C19orf44: variants seen among roughly 807,000 people sequenced by gnomAD.
C19orf44 encodes the protein chromosome 19 open reading frame 44.
Under a neutral mutation model 50.7 loss-of-function variants are expected in C19orf44, and 43 were observed. The observed-to-expected ratio is 0.85, with a 90% CI of 0.66 to 1.09. The LOEUF (loss-of-function observed/expected upper bound fraction) is 1.09, where lower values mean the gene tolerates loss of function less well. C19orf44 is among the 50% of genes least tolerant of loss of function. C19orf44 has a pLI of 0.00. For missense variants in C19orf44, 722 were observed against 836.2 expected, an observed-to-expected ratio of 0.86 and a Z score of 1.68; for synonymous variants, 298 against 334.7, an observed-to-expected ratio of 0.89 and a Z score of 1.20.
chr19:16,509,775 C>T lies in C19orf44; in HGVS notation c.1426C>T (p.Pro476Ser). Residue 476 changes from proline (P) to serine (S), a missense_variant, in exon 5 of 9, where the codon CCA becomes TCA. By Grantham distance (74) the Pro-to-Ser change is moderately conservative (BLOSUM62 -1). Transcript: ENST00000221671. Reference protein sequence around the residue: ...SAYSEDFENSPSLTASEPTAH... With the variant: ...SAYSEDFENSSSLTASEPTAH... ...TTATTCGGAGGATTTTGAAAACTCT[C>T]CAAGTCTGACAGCATCTGAGCCAAC... 1 of 1,614,260 alleles carries T rather than the reference C, an allele frequency of 6.2e-7. No individual in the cohort carries two copies. The highest frequency in any genetic ancestry group is 8.5e-7 in the Non-Finnish European group (1 of 1,180,042).
chr19:16,515,762 A>G (rs187508883), intron 7 of C19orf44, among the ~76,000 whole-genome samples: 174 of 151,162 alleles, frequency 1.2e-3, no homozygotes, highest in African/African-American at 4.0e-3. Context: ...ATGGCATTAT[A>G]CTATATGCAG....
chr19:16,505,300 G>A (rs966040535), intron 3 of C19orf44, among the ~76,000 whole-genome samples: 3 of 150,732 alleles, frequency 2.0e-5, no homozygotes, highest in African/African-American at 2.4e-5. Flanking sequence ...TGCAACTTCC[G>A]CCTCCGAGAT....
chr19:16,510,635 G>A (rs905130622), intron 5 of C19orf44, among the ~76,000 whole-genome samples: 5 of 152,090 alleles, frequency 3.3e-5, no homozygotes, highest in Admixed American at 6.6e-5. Context: ...GCATCTGCTG[G>A]GTGGAGGCCA....
Position 16,517,312 on chromosome 19 carries a change from G to C in C19orf44, c.*11G>C, listed in dbSNP as rs757828802. ...AACAAGGAGCTGTGAGCGCCAGCAG[G>C]TGGAGCTTGACGTGACGTCTTAACA... On this transcript the variant is annotated 3_prime_UTR_variant, in exon 8 of 9. Coordinates refer to ENST00000221671, the MANE Select transcript of C19orf44 (RefSeq NM_032207.4). 1.9e-6 allele frequency: 3 copies of C among 1,613,692 alleles called. No homozygotes were observed. The highest frequency in any genetic ancestry group is 2.5e-6 in the Non-Finnish European group (3 of 1,179,680).
At chr19:16,502,461 C>T (rs938473324) in intron 2 of C19orf44, among the ~76,000 whole-genome samples, 1 of 151,696 alleles carries the variant, frequency 6.6e-6, no homozygotes, top group African/African-American at 2.4e-5. Flanking sequence ...TGGTCTCGAT[C>T]GCTTGACCTC....
chr19:16,503,609 G>A (rs530172425), intron 3 of C19orf44, among the ~76,000 whole-genome samples: 2 of 152,230 alleles, frequency 1.3e-5, no homozygotes, highest in South Asian at 4.2e-4. Flanking sequence ...TGTCGCTCAG[G>A]CTGGAGTGTA....
chr19:16,519,177 G>A lies in C19orf44; in HGVS notation c.*41-917G>A, dbSNP rs755230630. The A allele has an allele frequency of 1.9e-6, 3 of 1,613,676 alleles. No individual in the cohort carries two copies. Among genetic ancestry groups the A allele is most frequent in the Admixed American group, 3.3e-5 (2 of 59,998 alleles). On this transcript the variant is annotated intron_variant, in intron 8 of 8. Transcript: ENST00000221671. The surrounding 1 kb of genome is among the most constrained non-coding windows in gnomAD (Gnocchi z 6.0). ...TGGGCGCCTACTTACACTCGTCCCT[G>A]GCCTTCATGCGGGCGATGAAGGAGT...
chr19:16,510,096 G>A lies in C19orf44; in HGVS notation c.1639+108G>A, dbSNP rs755419197. On this transcript the variant is annotated intron_variant, in intron 5 of 8. Transcript: ENST00000221671. Reference sequence around the variant, plus strand: ...GAGAGCTCAGGTTCCTGAGATTTGGGCTCTTGTTATTAATCACCTGGAGGG... The same window carrying A: ...GAGAGCTCAGGTTCCTGAGATTTGGACTCTTGTTATTAATCACCTGGAGGG... The A allele has an allele frequency of 5.1e-5, 79 of 1,553,608 alleles. 1 individual carries two copies. The South Asian group carries it at 8.7e-4, about 17-fold the overall frequency.
chr19:16,520,536 C>T lies in C19orf44; in HGVS notation c.*483C>T, dbSNP rs1166666842. 2.7e-5 allele frequency: 43 copies of T among 1,599,230 alleles called. No individual in the cohort carries two copies. Among genetic ancestry groups the T allele is most frequent in the Non-Finnish European group, 3.5e-5 (41 of 1,172,070 alleles). Reference sequence around the variant, plus strand: ...TGGGGAGAGGCCTGATGATCAGGTGCCCCAGTGGATGGGCTGCACCCAGCC... The same window carrying T: ...TGGGGAGAGGCCTGATGATCAGGTGTCCCAGTGGATGGGCTGCACCCAGCC... On this transcript the variant is annotated 3_prime_UTR_variant, in exon 9 of 9. Transcript: ENST00000221671. This position sits in a 1 kb window ranked among gnomAD's most constrained non-coding sequence, Gnocchi z 4.0.
intron 3 of C19orf44, 100 bp from the exon 4 acceptor site, chr19:16,506,601 A>AT: frequency 1.2e-6 from 1 of 845,318 alleles, no homozygotes; most frequent in Non-Finnish European, 1.8e-6. Context: ...TCAAAAAAAA[A>AT]AAGAAAAGAA....
intron 7 of C19orf44, among the ~76,000 whole-genome samples, chr19:16,515,978 A>G (rs1162227316): frequency 6.6e-6 from 1 of 152,100 alleles, no homozygotes; most frequent in Non-Finnish European, 1.5e-5. Flanking sequence ...TCATATCTTT[A>G]GTAGAGACAG....
chr19:16,512,775 G>T (rs1038479519), intron 5 of C19orf44, among the ~76,000 whole-genome samples: 4 of 133,984 alleles, frequency 3.0e-5, no homozygotes, highest in African/African-American at 1.3e-4. Flanking sequence ...ACAGATGGGA[G>T]GATTACGTGA....
chr19:16,507,339 C>A (rs2122197202), intron 4 of C19orf44, among the ~76,000 whole-genome samples: 1 of 152,268 alleles, frequency 6.6e-6, no homozygotes, highest in East Asian at 1.9e-4. Flanking sequence ...ACTTCACCAG[C>A]CGTATCCAGT....
chr19:16,519,082 A>T lies in C19orf44; in HGVS notation c.*41-1012A>T. 1 of 1,344,134 alleles carries T rather than the reference A, an allele frequency of 7.4e-7. No individual in the cohort carries two copies. Among genetic ancestry groups the T allele is most frequent in the Non-Finnish European group, 1.0e-6 (1 of 970,016 alleles). The allele number at this position is 1,344,134 out of a possible 1,614,324, so 83.3% of individuals were successfully genotyped here. On this transcript the variant is annotated intron_variant, in intron 8 of 8. Transcript: ENST00000221671. This position sits in a 1 kb window ranked among gnomAD's most constrained non-coding sequence, Gnocchi z 6.0. ...GTGTAAGAACTGAGCTGTCACTGCA[A>T]TCTTCCTCTGCCAGTCAGCCAGGAA...
rs776435313 is a variant in C19orf44, at chr19:16,500,826, C to T, written c.34C>T (p.Arg12Cys). ...ASARKASRPM[R>C]DVFGDFSDVS... is the part of the protein sequence containing the mutation. Reference sequence around the variant, plus strand: ...TGCAAGGAAAGCCAGCCGTCCCATGCGTGATGTTTTTGGTGACTTCAGTGA... The same window carrying T: ...TGCAAGGAAAGCCAGCCGTCCCATGTGTGATGTTTTTGGTGACTTCAGTGA... The change falls in exon 2 of 9, where the codon CGT (arginine) becomes TGT (cysteine). Residue 12 changes from arginine (R) to cysteine (C), a missense_variant. Arg to Cys is a radical substitution (Grantham distance 180). Coordinates refer to ENST00000221671, the MANE Select transcript of C19orf44 (RefSeq NM_032207.4). The T allele has an allele frequency of 8.8e-6, 14 of 1,596,788 alleles. No individual in the cohort carries two copies. The highest frequency in any genetic ancestry group is 1.1e-5 in the South Asian group (1 of 88,078).
rs781581042 is a variant in C19orf44 at position 16,514,482 on chromosome 19, G to A, written c.1736-15G>A. The A allele has an allele frequency of 6.3e-6, 10 of 1,587,276 alleles. No homozygotes were observed. The highest frequency in any genetic ancestry group is 3.4e-5 in the South Asian group (3 of 89,034). ...GGCCCCAGCGAAGCCACCGAGTAAC[G>A]CGGAGCTGGGTCAGCCCTGACCGCT... On this transcript the variant is annotated splice_polypyrimidine_tract_variant and intron_variant, in intron 6 of 8. Coordinates refer to ENST00000221671, the MANE Select transcript of C19orf44 (RefSeq NM_032207.4).
Position 16,501,531 on chromosome 19 carries a change from G to A in C19orf44, c.739G>A (p.Glu247Lys). The A allele has an allele frequency of 7.1e-7, 1 of 1,411,742 alleles. No homozygotes were observed. 87.5% of individuals were successfully genotyped at this position (1,411,742 alleles called of 1,614,324 possible). Reference sequence around the variant, plus strand: ...CAGCAGCGCTAACGTCAGCGAGGAAGAAGAAAGAAAACTATTTTCGGTGAG... The same window carrying A: ...CAGCAGCGCTAACGTCAGCGAGGAAAAAGAAAGAAAACTATTTTCGGTGAG... ...GFSSANVSEE[E>K]ERKLFSVPSQ... Residue 247 changes from glutamate to lysine, a missense_variant, in exon 2 of 9, where the codon GAA (glutamate) becomes AAA (lysine). Transcript: ENST00000221671.
At chr19:16,514,409 G>T in intron 6 of C19orf44, 88 bp from the exon 7 acceptor site, 1 of 1,308,370 alleles carries the variant, frequency 7.6e-7, no homozygotes, top group Non-Finnish European at 1.0e-6. Flanking sequence ...AGATTTCAGA[G>T]AGCAGCCTGG....
chr19:16,514,630 CT>C lies in C19orf44; in HGVS notation c.1871del (p.Phe624SerfsTer21). The C allele has an allele frequency of 6.3e-7, 1 of 1,587,202 alleles. No homozygotes were observed. Among genetic ancestry groups the C allele is most frequent in the South Asian group, 1.1e-5 (1 of 87,498 alleles). ...SLLRSLDADS[F>X]HYHTLEEAKE... ...TCCTGCGCTCCCTGGACGCGGACTCCTTCCACTACCACACCCTGGAGGAAGC... is the reference window on the plus strand; with the variant it reads ...TCCTGCGCTCCCTGGACGCGGACTCCTCCACTACCACACCCTGGAGGAAGC... On this transcript the variant is annotated frameshift_variant, in exon 7 of 9. Coordinates refer to ENST00000221671, the MANE Select transcript of C19orf44 (RefSeq NM_032207.4). LOFTEE classifies it high-confidence loss of function.
Sources: allele counts gnomAD v4.1 joint callset (sites outside exome capture counted in the v4.1 genomes callset), GRCh38; gene constraint gnomAD v4.1.1; non-coding constraint Gnocchi (gnomAD v3.1); transcripts MANE v1.5; gene names NCBI Gene and HGNC (gene_info 2026-07-23, HGNC 2026-07-21).